MYOF: variants seen among roughly 807,000 people sequenced by gnomAD.
The protein encoded by MYOF is fer-1-like 3, myoferlin.
In MYOF, 244 loss-of-function variants were observed where a neutral mutation model predicts 284.2. The ratio of observed to expected loss-of-function variants is 0.86; its 90% CI spans 0.77 to 0.95. The LOEUF is 0.95. MYOF is among the 40% of genes least tolerant of loss of function. MYOF has a pLI of 0.00. For synonymous variants in MYOF, 904 were observed against 919.7 expected, an observed-to-expected ratio of 0.98 and a Z score of 0.31; for missense variants, 2,496 against 2,560.6, an observed-to-expected ratio of 0.97 and a Z score of 0.54.
chr10:93,325,681 T>C (rs1371581927), intron 46 of MYOF, 145 bp downstream of exon 46: 5 of 1,126,300 alleles, frequency 4.4e-6, no homozygotes, highest in East Asian at 2.5e-5. Flanking sequence ...AAAAATTCCC[T>C]TTTGATATGA....
intron 5 of MYOF, among the ~76,000 whole-genome samples, chr10:93,418,978 C>T (rs1848247737): frequency 6.6e-6 from 1 of 152,184 alleles, no homozygotes. Context: ...CAGTTAGGCT[C>T]TGACCAAGTC....
intron 43 of MYOF, among the ~76,000 whole-genome samples, chr10:93,332,168 G>A (rs1487947005): frequency 3.3e-5 from 5 of 152,138 alleles, no homozygotes; most frequent in Non-Finnish European, 7.3e-5. Context: ...AAATCAGACC[G>A]TGGCGTGCCA....
At chr10:93,387,971 T>C (rs1324550335) in intron 18 of MYOF, 58 bp from the exon 19 acceptor site, 1 of 1,373,404 alleles carries the variant, frequency 7.3e-7, no homozygotes, top group Non-Finnish European at 1.0e-6. Context: ...AAGAATTCTG[T>C]GTCTCTAGTC....
At chr10:93,427,274 C>A (rs1263306831) in intron 4 of MYOF, among the ~76,000 whole-genome samples, 1 of 151,570 alleles carries the variant, frequency 6.6e-6, no homozygotes, top group Non-Finnish European at 1.5e-5. Flanking sequence ...ATGGCTTGCA[C>A]TTTTAATCCC....
rs1243618498 is a variant in MYOF, at chr10:93,354,703, T to TCTCTCTCTCTCTCTCTC, written c.3404-816_3404-815insGAGAGAGAGAGAGAGAG. On this transcript the variant is annotated intron_variant, in intron 31 of 53. Coordinates refer to ENST00000359263, the MANE Select transcript of MYOF (RefSeq NM_013451.4). ...TCTCTCTCTCTCTCTCTCTCTCTCT[T>TCTCTCTCTCTCTCTCTC]TGTGAGATAGCAGAGCATTATGATT... 2.0e-3 allele frequency among the ~76,000 whole-genome samples: 138 copies of TCTCTCTCTCTCTCTCTC among 70,714 alleles called. 2 individuals are homozygous for TCTCTCTCTCTCTCTCTC. Among genetic ancestry groups the TCTCTCTCTCTCTCTCTC allele is most frequent in the Middle Eastern group, 8.3e-3 (1 of 120 alleles). The allele number at this position is 70,714 out of a possible 152,430, so 46.4% of individuals were successfully genotyped here.
At chr10:93,311,502 T>A (rs548339684) in intron 51 of MYOF, among the ~76,000 whole-genome samples, 1 of 149,618 alleles carries the variant, frequency 6.7e-6, no homozygotes, top group African/African-American at 2.5e-5. Context: ...GCGCCTGTAG[T>A]CCCAGCTACT....
chr10:93,478,825 CA>C (rs796689657), intron 1 of MYOF, among the ~76,000 whole-genome samples: 116 of 103,434 alleles, frequency 1.1e-3, no homozygotes, highest in Non-Finnish European at 1.5e-3. Context: ...GAAACAGTCT[CA>C]AAAAAAAAAA....
chr10:93,478,176 C>A, intron 1 of MYOF: 1 of 290,436 alleles, frequency 3.4e-6, no homozygotes, highest in East Asian at 1.1e-4. Flanking sequence ...AGTTTTTTAA[C>A]AACCTGTTCT....
chr10:93,438,471 G>GC (rs1045966335), intron 3 of MYOF, among the ~76,000 whole-genome samples: 3 of 152,080 alleles, frequency 2.0e-5, no homozygotes, highest in African/African-American at 7.2e-5. Flanking sequence ...GCACTTGCCC[G>GC]CCCACCCTCA....
At chr10:93,400,910 G>C (rs1847263194) in intron 12 of MYOF, among the ~76,000 whole-genome samples, 1 of 144,308 alleles carries the variant, frequency 6.9e-6, no homozygotes, top group African/African-American at 2.6e-5. Context: ...CCAGGCTGGA[G>C]TGCAGTGGTG....
chr10:93,363,913 C>T (rs377495995), intron 27 of MYOF, 48 bp downstream of exon 27: 15 of 1,564,494 alleles, frequency 9.6e-6, no homozygotes, highest in Middle Eastern at 1.7e-4. Flanking sequence ...CCGCAGATCA[C>T]GATCAGAGGT....
Position 93,361,501 on chromosome 10 carries a change from C to T in MYOF, c.2925G>A (p.Trp975Ter). ...TGTCATAAGACCATGCATCATCTTC[C>T]CATTCCCAACCTGGAGGACAAGTCA... ...SELTCPPGWE[W>*]EDDAWSYDIN... The change falls in exon 28 of 54, where the codon TGG becomes TGA. Residue 975 changes from tryptophan to a stop codon, truncating the protein, a stop_gained. Transcript: ENST00000359263. LOFTEE classifies it high-confidence loss of function. 6.2e-7 allele frequency: 1 copy of T among 1,614,222 alleles called. No homozygotes were observed. The highest frequency in any genetic ancestry group is 1.1e-5 in the South Asian group (1 of 91,088).
intron 27 of MYOF, among the ~76,000 whole-genome samples, chr10:93,363,455 C>T (rs2133935896): frequency 6.6e-6 from 1 of 152,284 alleles, no homozygotes; most frequent in East Asian, 1.9e-4. Context: ...TGCTTGAAGC[C>T]AGGAGTTCAA....
At chr10:93,350,150 C>G (rs541822093) in intron 35 of MYOF, among the ~76,000 whole-genome samples, 181 bp from the exon 36 acceptor site, 1 of 152,036 alleles carries the variant, frequency 6.6e-6, no homozygotes, top group East Asian at 1.9e-4. Flanking sequence ...TGCCTGAGCC[C>G]CTAAAAAAGC....
intron 16 of MYOF, among the ~76,000 whole-genome samples, chr10:93,394,448 C>T (rs1172140355): frequency 8.9e-3 from 254 of 28,604 alleles, no homozygotes; most frequent in South Asian, 0.014. Flanking sequence ...ACCATCTTGT[C>T]TTTTTTTTTT....
intron 43 of MYOF, 39 bp from the exon 44 acceptor site, chr10:93,329,873 A>G: frequency 6.2e-7 from 1 of 1,605,322 alleles, no homozygotes; most frequent in Non-Finnish European, 8.5e-7. Context: ...TTCATGATCC[A>G]TCTGAGTACC....
intron 3 of MYOF, among the ~76,000 whole-genome samples, chr10:93,447,664 A>T (rs61867763): frequency 6.6e-6 from 1 of 152,088 alleles, no homozygotes; most frequent in African/African-American, 2.4e-5. Flanking sequence ...CTCGTTCGCC[A>T]GCTAATAAAG....
rs902843784 is a variant in MYOF, at chr10:93,393,015, T to C, written c.1418-60A>G. The C allele has an allele frequency of 4.8e-6, 7 of 1,453,930 alleles. No homozygotes were observed. In the African/African-American group the frequency reaches 7.0e-5, roughly 15 times the overall value. The allele number at this position is 1,453,930 out of a possible 1,614,324, so 90.1% of individuals were successfully genotyped here. ...GAACACGGGCATTATAAAACAGACA[T>C]TGAAAACGTTAATCAAATCCAGTGC... is the stretch of plus-strand genomic sequence containing the variant. On this transcript the variant is annotated intron_variant, in intron 16 of 53. Coordinates refer to ENST00000359263, the MANE Select transcript of MYOF (RefSeq NM_013451.4).
rs560715484 is a variant in MYOF at position 93,346,710 on chromosome 10, G to T, written c.4249+907C>A. Among the ~76,000 whole-genome samples the T allele has an allele frequency of 1.2e-4, 18 of 152,290 alleles. No homozygotes were observed. The South Asian group carries it at 3.7e-3, about 32-fold the overall frequency. ...CTCCTCCTCTCTCAGTGTTCATGGG[G>T]TCAGGGAGCTTCCTGTTTTCCCCAT... is the stretch of plus-strand genomic sequence containing the variant. On this transcript the variant is annotated intron_variant, in intron 37 of 53. Coordinates refer to ENST00000359263, the MANE Select transcript of MYOF (RefSeq NM_013451.4).
Sources: gnomAD v4.1 joint callset for allele counts (sites outside exome capture counted in the v4.1 genomes callset) on GRCh38, gnomAD v4.1.1 for gene constraint, MANE v1.5 for transcripts, NCBI Gene and HGNC (gene_info 2026-07-23, HGNC 2026-07-21) for gene names.